The following DNAH8 variants were observed in gnomAD, a reference collection of about 807,000 sequenced individuals.
The protein encoded by DNAH8 is dynein axonemal heavy chain 8, also known as axonemal beta dynein heavy chain 8.
DNAH8 carries 382 observed loss-of-function variants against 562.1 expected under a neutral mutation model. The ratio of observed to expected loss-of-function variants is 0.68; its 90% CI spans 0.63 to 0.74. DNAH8 has a LOEUF of 0.74. DNAH8 is among the 30% of genes least tolerant of loss of function. The pLI, the probability that DNAH8 is intolerant of heterozygous loss-of-function variation, is 0.00. For synonymous variants in DNAH8, 1,881 were observed against 1,919.4 expected, an observed-to-expected ratio of 0.98 and a Z score of 0.52; for missense variants, 5,203 against 5,620.4, an observed-to-expected ratio of 0.93 and a Z score of 2.37.
chr6:38,722,902 A>G lies in DNAH8; in HGVS notation c.93A>G (p.Glu31=), dbSNP rs1762878428. The G allele has an allele frequency of 3.1e-6, 5 of 1,612,186 alleles. No homozygotes were observed. The South Asian group carries it at 4.4e-5, about 14-fold the overall frequency. The change falls in exon 2 of 93, where the codon GAA becomes GAG. Residue 31 remains glutamate, a synonymous_variant. Transcript: ENST00000327475. ...CTGCCCCTCCCCGTTCAGAAGAGGA[A>G]GAGGCCCCGCGCCCTCCGACAGTGG... ...EEAAPPRSEE[E]EAPRPPTVEA...
chr6:38,851,912 C>A (rs2150389645), intron 39 of DNAH8, among the ~76,000 whole-genome samples: 1 of 152,284 alleles, frequency 6.6e-6, no homozygotes, highest in South Asian at 2.1e-4. Flanking sequence ...TGGCAGGCTT[C>A]CTAATTTCCC....
intron 82 of DNAH8, among the ~76,000 whole-genome samples, chr6:38,964,922 G>A (rs748092413): frequency 6.6e-6 from 1 of 151,990 alleles, no homozygotes; most frequent in Admixed American, 6.6e-5. Flanking sequence ...AAATTAGTCG[G>A]GCGTGGTGGC....
At position 38,883,393 on chromosome 6, in the gene DNAH8, T is replaced by TC. The variant is rs1778661328; in HGVS notation, c.8075dup (p.Glu2693Ter). 6 of 1,613,320 alleles carry TC rather than the reference T, an allele frequency of 3.7e-6. No individual in the cohort carries two copies. The highest frequency in any genetic ancestry group is 4.2e-6 in the Non-Finnish European group (5 of 1,179,552). On this transcript the variant is annotated frameshift_variant, in exon 55 of 93. Coordinates refer to ENST00000327475, the MANE Select transcript of DNAH8 (RefSeq NM_001206927.2). LOFTEE classifies it high-confidence loss of function. The stretch of plus-strand genomic sequence containing the variant: ...TTAAGGCCTATTTGAAAAAATATGA[T>TC]CCTGAAGTACAGCTATCCAAAAGTC...
At chr6:38,967,198 A>T (rs892684073) in intron 82 of DNAH8, among the ~76,000 whole-genome samples, 4 of 152,150 alleles carry the variant, frequency 2.6e-5, no homozygotes, top group African/African-American at 7.2e-5. Context: ...AAAAGACTGA[A>T]TGCCTTCTCC....
In DNAH8 at chr6:38,924,253, C is replaced by T. The variant is rs137863247; in HGVS notation, c.10962+91C>T. 42 of 1,316,482 alleles carry T rather than the reference C, an allele frequency of 3.2e-5. No homozygotes were observed. In the African/African-American group the frequency reaches 5.2e-4, roughly 16 times the overall value. The allele number at this position is 1,316,482 out of a possible 1,614,324, so 81.6% of individuals were successfully genotyped here. On this transcript the variant is annotated intron_variant, in intron 73 of 92. Transcript: ENST00000327475. ...CCCGGCTGGGTGTGGTGGCTCACAT[C>T]TGTAATCCCAGCACTTTGGGAGGCT...
Position 38,873,064 on chromosome 6 carries a change from G to T in DNAH8, c.7396G>T (p.Glu2466Ter). ...CKLLFEVHNI[E>*]NASPATVSRM... ...GCTTCTGTTTGAAGTCCACAATATC[G>T]AGAACGCCTCTCCTGCCACGGTTTC... Residue 2466 changes from glutamate (E) to a stop codon, truncating the protein, a stop_gained, in exon 51 of 93, where the codon GAG (glutamate) becomes TAG (stop). Transcript: ENST00000327475. LOFTEE classifies it high-confidence loss of function. 6.2e-7 allele frequency: 1 copy of T among 1,614,028 alleles called. No individual in the cohort carries two copies. The highest frequency in any genetic ancestry group is 1.1e-5 in the South Asian group (1 of 91,080).
In DNAH8 at chr6:38,797,134, C is replaced by T. The variant is rs965973215; in HGVS notation, c.2901+5460C>T. ...TGGGGCTGGACGCGGTGACTCATGCCTGTAATCCCAGCACTTTGGGAGGCC... is the reference window on the plus strand; with the variant it reads ...TGGGGCTGGACGCGGTGACTCATGCTTGTAATCCCAGCACTTTGGGAGGCC... On this transcript the variant is annotated intron_variant, in intron 21 of 92. Transcript: ENST00000327475. Among the ~76,000 whole-genome samples the T allele has an allele frequency of 4.6e-5, 7 of 152,340 alleles. No homozygotes were observed. The East Asian group carries it at 1.3e-3, about 29-fold the overall frequency.
intron 64 of DNAH8, 29 bp downstream of exon 64, chr6:38,908,149 G>A (rs536243845): frequency 1.3e-5 from 18 of 1,363,968 alleles, no homozygotes; most frequent in African/African-American, 2.9e-5. Flanking sequence ...TTATATCTAC[G>A]TAGAAAGAGT....
rs117329224 is a variant in DNAH8 at position 38,941,521 on chromosome 6, T to C, written c.12007+2533T>C. ...GTTCATATTTTTTTCACAGGTCTAATGCACTTATGGAAGTTGGTTTTTTAA... is the reference window on the plus strand; with the variant it reads ...GTTCATATTTTTTTCACAGGTCTAACGCACTTATGGAAGTTGGTTTTTTAA... On this transcript the variant is annotated intron_variant, in intron 79 of 92. Coordinates refer to ENST00000327475, the MANE Select transcript of DNAH8 (RefSeq NM_001206927.2). Among the ~76,000 whole-genome samples the C allele has an allele frequency of 1.2e-3, 184 of 152,324 alleles. 3 individuals carry two copies. In the East Asian group the frequency reaches 0.031, roughly 26 times the overall value.
chr6:38,999,349 C>T (rs1395370940), intron 88 of DNAH8, among the ~76,000 whole-genome samples: 1 of 151,584 alleles, frequency 6.6e-6, no homozygotes, highest in East Asian at 1.9e-4. Flanking sequence ...CCACGGAGGG[C>T]TCAAGCTGAA....
chr6:38,722,357 T>G (rs1446577851), intron 1 of DNAH8, among the ~76,000 whole-genome samples: 2 of 152,166 alleles, frequency 1.3e-5, no homozygotes, highest in African/African-American at 4.8e-5. Context: ...GTTCTTTGCT[T>G]GGTCTCTTGC....
chr6:38,736,397 T>G lies in DNAH8; in HGVS notation c.763-670T>G, dbSNP rs954724663. Reference sequence around the variant, plus strand: ...GTTGCCCTTTTCACCAATGTTGACATTTGACTGATGGCGCAGAAGCAATGG... The same window carrying G: ...GTTGCCCTTTTCACCAATGTTGACAGTTGACTGATGGCGCAGAAGCAATGG... On this transcript the variant is annotated intron_variant, in intron 5 of 92. Coordinates refer to ENST00000327475, the MANE Select transcript of DNAH8 (RefSeq NM_001206927.2). 2.6e-4 allele frequency among the ~76,000 whole-genome samples: 40 copies of G among 152,178 alleles called. 1 individual carries two copies. Among genetic ancestry groups the G allele is most frequent in the Admixed American group, 2.6e-4 (4 of 15,272 alleles).
intron 36 of DNAH8, among the ~76,000 whole-genome samples, chr6:38,847,282 T>A (rs1203280559): frequency 6.6e-6 from 1 of 151,916 alleles, no homozygotes; most frequent in African/African-American, 2.4e-5. Flanking sequence ...ATCTCCCTTT[T>A]CCATCTTTAG....
chr6:38,920,185 C>G (rs1272632583), intron 70 of DNAH8, among the ~76,000 whole-genome samples: 2 of 152,148 alleles, frequency 1.3e-5, no homozygotes, highest in African/African-American at 4.8e-5. Flanking sequence ...GCAATCATAG[C>G]TTACTGCAGC....
intron 9 of DNAH8, among the ~76,000 whole-genome samples, chr6:38,751,304 C>G (rs1765429656): frequency 1.3e-5 from 2 of 152,166 alleles, no homozygotes; most frequent in South Asian, 2.1e-4. Context: ...GAGAGAACAC[C>G]CAAGTTGGAA....
intron 82 of DNAH8, among the ~76,000 whole-genome samples, chr6:38,966,468 T>C (rs1031094203): frequency 6.6e-6 from 1 of 152,202 alleles, no homozygotes; most frequent in Non-Finnish European, 1.5e-5. Flanking sequence ...GAGGGAACAC[T>C]TTTCAACCCA....
At chr6:38,766,873 G>A (rs925484378) in intron 11 of DNAH8, among the ~76,000 whole-genome samples, 4 of 151,846 alleles carry the variant, frequency 2.6e-5, no homozygotes, top group African/African-American at 9.7e-5. Flanking sequence ...AAATAAAACT[G>A]GAAATACTGA....
intron 26 of DNAH8, 117 bp from the exon 27 acceptor site, chr6:38,822,721 C>A (rs1772977777): frequency 1.3e-6 from 1 of 787,050 alleles, no homozygotes; most frequent in African/African-American, 1.8e-5. Flanking sequence ...CTCTTAGTTT[C>A]TTGGAGGGAG....
chr6:38,728,846 A>G (rs1763434052), intron 3 of DNAH8, among the ~76,000 whole-genome samples: 1 of 152,194 alleles, frequency 6.6e-6, no homozygotes, highest in Non-Finnish European at 1.5e-5. Flanking sequence ...AACATTTGAG[A>G]ACACTGTCCT....
Sources: allele counts gnomAD v4.1 joint callset (sites outside exome capture counted in the v4.1 genomes callset), GRCh38; gene constraint gnomAD v4.1.1; transcripts MANE v1.5; gene names NCBI Gene and HGNC (gene_info 2026-07-23, HGNC 2026-07-21).